The following ROBO4 variants were observed in gnomAD, a reference collection of about 807,000 sequenced individuals.
ROBO4 encodes the protein roundabout guidance receptor 4.
Under a neutral mutation model 103.3 loss-of-function variants are expected in ROBO4, and 80 were observed. The observed-to-expected ratio is 0.77, with a 90% CI of 0.65 to 0.93. The LOEUF is 0.93. Among genes scored for constraint, ROBO4 ranks in the 40% least tolerant of loss-of-function variants. The probability of loss-of-function intolerance (pLI) is 0.00; values close to 1 mark genes in which losing one functional copy is unlikely to be tolerated. For synonymous variants in ROBO4, 504 were observed against 529.7 expected, an observed-to-expected ratio of 0.95 and a Z score of 0.67; for missense variants, 1,333 against 1,305.3, an observed-to-expected ratio of 1.02 and a Z score of -0.33.
intron 6 of ROBO4, 24 bp from the exon 7 acceptor site, chr11:124,895,217 T>G: frequency 6.5e-7 from 1 of 1,535,434 alleles, no homozygotes; most frequent in Non-Finnish European, 9.0e-7. Context: ...AGAGAGACTA[T>G]GAGGGGCTCT....
chr11:124,885,283 A>T (rs1342688744), intron 16 of ROBO4, 36 bp from the exon 17 acceptor site: 2 of 1,574,662 alleles, frequency 1.3e-6, no homozygotes, highest in Non-Finnish European at 1.7e-6. Flanking sequence ...TGGGAGGTTG[A>T]CCTTCAGCCC....
intron 12 of ROBO4, among the ~76,000 whole-genome samples, chr11:124,888,633 G>A (rs1422333176): frequency 6.6e-6 from 1 of 152,244 alleles, no homozygotes; most frequent in Admixed American, 6.5e-5. Flanking sequence ...ACAGTGAGAA[G>A]AGTCACCTAG....
intron 12 of ROBO4, among the ~76,000 whole-genome samples, chr11:124,890,013 C>G (rs370318926): frequency 2.0e-5 from 3 of 152,192 alleles, no homozygotes; most frequent in African/African-American, 7.2e-5. Flanking sequence ...AGAATTGGAA[C>G]CCTTCTTAAG....
chr11:124,897,015 G>C lies in ROBO4; in HGVS notation c.317C>G (p.Ser106Cys). Residue 106 changes from serine (S) to cysteine (C), a missense_variant, in exon 2 of 18, where the codon TCC becomes TGC. Transcript: ENST00000306534. Reference sequence around the variant, plus strand: ...ACATGTGTAGACACCCAGGTCTGTGGACAGGGCCTGGCCATCGTGGGCATG... The same window carrying C: ...ACATGTGTAGACACCCAGGTCTGTGCACAGGGCCTGGCCATCGTGGGCATG... ...RGHAHDGQALSTDLGVYTCEA... is the reference protein window; with the variant it reads ...RGHAHDGQALCTDLGVYTCEA... The C allele has an allele frequency of 1.2e-6, 2 of 1,614,110 alleles. No homozygotes were observed. Among genetic ancestry groups the C allele is most frequent in the South Asian group, 1.1e-5 (1 of 91,058 alleles).
intron 1 of ROBO4, chr11:124,897,506 T>C: frequency 1.7e-6 from 1 of 576,806 alleles, no homozygotes; most frequent in Non-Finnish European, 3.1e-6. Flanking sequence ...ACTTTCTCTC[T>C]TTCTTTCTTT....
At chr11:124,892,668 C>G (rs867162408) in intron 10 of ROBO4, 27 of 154,070 alleles carry the variant, frequency 1.8e-4, no homozygotes, top group African/African-American at 6.3e-4. Context: ...TTCTGCGTGG[C>G]CAATACAGGA....
rs201126852 is a variant in ROBO4, at chr11:124,896,950, C to T, written c.382G>A (p.Ala128Thr). ...NRLGTAVSRG[A>T]RLSVAVLRED... ...GCCTCACCAGCCACAGACAGCCGAG[C>T]GCCTCTGCTGACTGCCGTGCCAAGC... The change falls in exon 2 of 18, where the codon GCT becomes ACT. Residue 128 changes from alanine (A) to threonine (T), a missense_variant. By Grantham distance (58) the Ala-to-Thr change is moderately conservative. Transcript: ENST00000306534. 1.1e-4 allele frequency: 183 copies of T among 1,612,970 alleles called. No individual in the cohort carries two copies. The highest frequency in any genetic ancestry group is 2.2e-4 in the East Asian group (10 of 44,876).
intron 17 of ROBO4, 63 bp downstream of exon 17, chr11:124,884,978 T>A: frequency 6.2e-7 from 1 of 1,613,882 alleles, no homozygotes; most frequent in Non-Finnish European, 8.5e-7. Context: ...GGCTTCCTCC[T>A]GGCTTCTTCC....
chr11:124,892,094 T>A (rs748286511), intron 10 of ROBO4: 5 of 612,816 alleles, frequency 8.2e-6, no homozygotes, highest in Non-Finnish European at 1.2e-5. Flanking sequence ...TGAAGACAAA[T>A]CTGGTTTGAC....
At chr11:124,897,446 G>T in intron 1 of ROBO4, 185 bp from the exon 2 acceptor site, 1 of 586,052 alleles carries the variant, frequency 1.7e-6, no homozygotes, top group South Asian at 2.5e-5. Flanking sequence ...ACAGCATCCA[G>T]GCCAGGGCTT....
chr11:124,896,573 CT>C lies in ROBO4; in HGVS notation c.497del (p.Glu166GlyfsTer28), dbSNP rs1946894446. ...CATCTTTCCACCATGAGACTGTGGG[CT>C]CTGGGTGGCCCCAGGGCGGCCCACA... ...LECGPPWGHP[E>X]PTVSWWKDGK... is the part of the protein sequence containing the mutation. On this transcript the variant is annotated frameshift_variant, in exon 3 of 18. Transcript: ENST00000306534. LOFTEE classifies it high-confidence loss of function. The C allele has an allele frequency of 6.2e-7, 1 of 1,614,026 alleles. No individual in the cohort carries two copies. Among genetic ancestry groups the C allele is most frequent in the Non-Finnish European group, 8.5e-7 (1 of 1,180,014 alleles).
intron 12 of ROBO4, among the ~76,000 whole-genome samples, chr11:124,890,071 C>G (rs748670570): frequency 6.6e-6 from 1 of 152,198 alleles, no homozygotes; most frequent in Non-Finnish European, 1.5e-5. Flanking sequence ...CATTACTGTT[C>G]TAAGAGGGGC....
chr11:124,894,232 C>T lies in ROBO4; in HGVS notation c.1287G>A (p.Gly429=), dbSNP rs1946844652. ...GGAGGCAGACAGGTCTACTGGGCTCCCCAGCTCCAGCACCAGTGACTGCAG... is the reference window on the plus strand; with the variant it reads ...GGAGGCAGACAGGTCTACTGGGCTCTCCAGCTCCAGCACCAGTGACTGCAG... ...QVAAVTGAGA[G]EPSRPVCLLL... Residue 429 remains glycine, a synonymous_variant, in exon 8 of 18, where the codon GGG becomes GGA. Transcript: ENST00000306534. 1.2e-6 allele frequency: 2 copies of T among 1,613,440 alleles called. No homozygotes were observed. Among genetic ancestry groups the T allele is most frequent in the South Asian group, 2.2e-5 (2 of 91,028 alleles).
intron 9 of ROBO4, 26 bp downstream of exon 9, chr11:124,893,834 C>T: frequency 1.2e-6 from 2 of 1,612,950 alleles, no homozygotes; most frequent in Non-Finnish European, 1.7e-6. Flanking sequence ...GGCCTGTATA[C>T]ATGTGGGTCC....
Position 124,893,861 on chromosome 11 carries a change from T to C in ROBO4, c.1503A>G (p.Pro501=), listed in dbSNP as rs766781525. 8 of 1,613,104 alleles carry C rather than the reference T, an allele frequency of 5.0e-6. No homozygotes were observed. In the South Asian group the frequency reaches 8.8e-5, roughly 18 times the overall value. ...RRRRARVHLG[P]GLYRYTSEDA... ...TGTGGGTCCCCCTCAGACTCTCACC[T>C]GGGCCCAGGTGCACCCTAGCTCGGC... Residue 501 remains proline, a splice_region_variant and synonymous_variant, in exon 9 of 18, where the codon CCA becomes CCG. Transcript: ENST00000306534.
chr11:124,888,645 A>T (rs908180290), intron 12 of ROBO4, among the ~76,000 whole-genome samples: 2 of 152,256 alleles, frequency 1.3e-5, no homozygotes, highest in Non-Finnish European at 2.9e-5. Flanking sequence ...GTCACCTAGA[A>T]GATGGAAGCT....
At chr11:124,896,890 C>T (rs2135380849) in intron 2 of ROBO4, 42 bp downstream of exon 2, 2 of 1,588,472 alleles carry the variant, frequency 1.3e-6, no homozygotes, top group African/African-American at 1.3e-5. Flanking sequence ...GATGTCTCCA[C>T]CCAGGTTTGC....
At chr11:124,896,428 G>C in intron 3 of ROBO4, 85 bp downstream of exon 3, 1 of 1,589,376 alleles carries the variant, frequency 6.3e-7, no homozygotes, top group Non-Finnish European at 8.6e-7. Context: ...CGGAGGATGC[G>C]GGGCTGGACG....
intron 10 of ROBO4, chr11:124,892,281 A>G (rs1946812243): frequency 2.9e-6 from 1 of 344,878 alleles, no homozygotes; most frequent in Non-Finnish European, 5.7e-6. Flanking sequence ...CTGGCAGAGC[A>G]GGAGCTTGCT....
Sources: gnomAD v4.1 joint callset for allele counts (sites outside exome capture counted in the v4.1 genomes callset) on GRCh38, gnomAD v4.1.1 for gene constraint, MANE v1.5 for transcripts, NCBI Gene and HGNC (gene_info 2026-07-23, HGNC 2026-07-21) for gene names.